Variants in CFAP299 observed in about 807,000 individuals in gnomAD.
CFAP299 encodes the protein cilia- and flagella-associated protein 299.
In CFAP299, 21 loss-of-function variants were observed where a neutral mutation model predicts 27.0. The observed-to-expected ratio is 0.78, with a 90% CI of 0.55 to 1.12. CFAP299 has a LOEUF of 1.12. CFAP299 is among the 50% of genes most tolerant of loss of function. CFAP299 has a pLI of 0.00. For missense variants in CFAP299, 310 were observed against 276.6 expected, an observed-to-expected ratio of 1.12 and a Z score of -0.86; for synonymous variants, 104 against 98.1, an observed-to-expected ratio of 1.06 and a Z score of -0.36.
At chr4:80,768,343 A>C (rs1266194552) in intron 3 of CFAP299, among the ~76,000 whole-genome samples, 2 of 152,220 alleles carry the variant, frequency 1.3e-5, no homozygotes, top group Non-Finnish European at 2.9e-5. Flanking sequence ...AAAGTCAAAG[A>C]GACAGAGATT....
intron 2 of CFAP299, chr4:80,387,147 C>T (rs1304284762): frequency 2.9e-6 from 4 of 1,378,986 alleles, no homozygotes; most frequent in Admixed American, 3.4e-5. Flanking sequence ...CACTTGTAGA[C>T]GGCACTGCCC....
the CFAP299 span, among the ~76,000 whole-genome samples, chr4:80,329,879 T>G: frequency 6.6e-6 from 1 of 152,192 alleles, no homozygotes; most frequent in Non-Finnish European, 1.5e-5. Flanking sequence ...GCTAAATATA[T>G]TTCTCAGAGA....
intron 3 of CFAP299, among the ~76,000 whole-genome samples, chr4:80,637,380 T>C (rs1370399336): frequency 6.6e-6 from 1 of 152,188 alleles, no homozygotes; most frequent in Non-Finnish European, 1.5e-5. Context: ...TGGAAAGAAA[T>C]GGTTGTCAAT....
At chr4:80,784,505 CTTTT>C (rs933504346) in intron 3 of CFAP299, among the ~76,000 whole-genome samples, 4 of 151,470 alleles carry the variant, frequency 2.6e-5, no homozygotes, top group Admixed American at 6.6e-5. Context: ...TCTTTTCTTT[CTTTT>C]TTTTCTTTTC....
chr4:80,798,287 A>G (rs1727986477), intron 3 of CFAP299, among the ~76,000 whole-genome samples: 1 of 152,092 alleles, frequency 6.6e-6, no homozygotes, highest in Non-Finnish European at 1.5e-5. Context: ...TTTTGGCCTC[A>G]GGCAGTACAG....
At chr4:80,735,739 G>T (rs1386481155) in intron 3 of CFAP299, among the ~76,000 whole-genome samples, 1 of 152,054 alleles carries the variant, frequency 6.6e-6, no homozygotes, top group Non-Finnish European at 1.5e-5. Context: ...ATATCAGATT[G>T]ATTGATTTGC....
intron 3 of CFAP299, chr4:80,583,434 C>T (rs568411780): frequency 9.0e-6 from 2 of 221,304 alleles, no homozygotes; most frequent in South Asian, 1.3e-4. Context: ...CTATGCATGG[C>T]AGAATGGTTC....
chr4:80,924,060 A>G (rs997825568), intron 4 of CFAP299, among the ~76,000 whole-genome samples: 1 of 151,912 alleles, frequency 6.6e-6, no homozygotes, highest in Non-Finnish European at 1.5e-5. Flanking sequence ...TGTGAATAAC[A>G]GTTGATTCTA....
chr4:80,590,386 A>C (rs6535031), intron 3 of CFAP299, among the ~76,000 whole-genome samples: 141,426 of 152,236 alleles, frequency 0.93, 65,760 homozygotes, highest in East Asian at 1. Flanking sequence ...TGCCTGTAAT[A>C]CTAGCACTTT....
chr4:80,675,974 TC>T (rs1281739966), intron 3 of CFAP299, among the ~76,000 whole-genome samples: 1 of 152,068 alleles, frequency 6.6e-6, no homozygotes, highest in Non-Finnish European at 1.5e-5. Context: ...GAAAGGGAAA[TC>T]CCCCAACCCC....
chr4:80,856,470 T>A (rs1041679297), intron 3 of CFAP299, among the ~76,000 whole-genome samples: 2 of 152,098 alleles, frequency 1.3e-5, no homozygotes, highest in African/African-American at 4.8e-5. Flanking sequence ...AGACATGAAG[T>A]CCTTGCCCAT....
At chr4:80,462,820 C>T (rs372911116) in intron 2 of CFAP299, among the ~76,000 whole-genome samples, 1 of 152,080 alleles carries the variant, frequency 6.6e-6, no homozygotes, top group Non-Finnish European at 1.5e-5. Context: ...CTTCCTCTTT[C>T]TAGTTTTTTT....
chr4:80,702,463 A>C (rs934576430), intron 3 of CFAP299, among the ~76,000 whole-genome samples: 1 of 151,898 alleles, frequency 6.6e-6, no homozygotes, highest in Non-Finnish European at 1.5e-5. Context: ...ACCTTACCAA[A>C]TGTCTGAAAT....
chr4:80,608,601 G>A (rs1023842128), intron 3 of CFAP299, among the ~76,000 whole-genome samples: 2 of 151,962 alleles, frequency 1.3e-5, no homozygotes, highest in Admixed American at 6.6e-5. Flanking sequence ...TTGAAAAAAA[G>A]CGCATTGTAG....
intron 3 of CFAP299, among the ~76,000 whole-genome samples, chr4:80,852,630 A>G (rs1162461176): frequency 6.6e-6 from 1 of 152,240 alleles, no homozygotes; most frequent in Non-Finnish European, 1.5e-5. Context: ...TTCAAGAAAG[A>G]ACCAACTTCC....
At chr4:80,416,793 A>G (rs1280528059) in intron 2 of CFAP299, among the ~76,000 whole-genome samples, 1 of 152,174 alleles carries the variant, frequency 6.6e-6, no homozygotes, top group African/African-American at 2.4e-5. Context: ...GACATTCTGA[A>G]AAAGGAGGTA....
intron 2 of CFAP299, among the ~76,000 whole-genome samples, chr4:80,473,218 A>G (rs56054570): frequency 0.2 from 30,663 of 152,022 alleles, 3,272 homozygotes; most frequent in South Asian, 0.29. Flanking sequence ...AGGGGGATAC[A>G]GCCAAGCTGA....
At chr4:80,483,764 T>C (rs937346157) in intron 2 of CFAP299, among the ~76,000 whole-genome samples, 14 of 152,284 alleles carry the variant, frequency 9.2e-5, no homozygotes, top group African/African-American at 3.4e-4. Context: ...AATCAGAGAC[T>C]CAGACCTTTC....
intron 2 of CFAP299, among the ~76,000 whole-genome samples, chr4:80,488,830 C>T (rs1217997733): frequency 1.3e-5 from 2 of 152,052 alleles, no homozygotes; most frequent in Non-Finnish European, 2.9e-5. Flanking sequence ...GAACTCTGTT[C>T]AAAGAATGGT....
Sources: allele counts gnomAD v4.1 joint callset (sites outside exome capture counted in the v4.1 genomes callset), GRCh38; gene constraint gnomAD v4.1.1; transcripts MANE v1.5; gene names NCBI Gene and HGNC (gene_info 2026-07-23, HGNC 2026-07-21).